Variants in ANXA8 observed in about 807,000 individuals in gnomAD.
ANXA8 encodes the protein annexin A8, also known as VAC-beta.
ANXA8 carries 9 observed loss-of-function variants against 26.8 expected under a neutral mutation model. The observed-to-expected ratio is 0.34, with a 90% CI of 0.20 to 0.59. The LOEUF (loss-of-function observed/expected upper bound fraction) is 0.59, where lower values mean the gene tolerates loss of function less well. Ranked by LOEUF, ANXA8 falls within the 20% of genes least tolerant of loss-of-function variation. ANXA8 has a pLI of 0.84. For missense variants in ANXA8, 83 were observed against 238.5 expected, an observed-to-expected ratio of 0.35 and a Z score of 4.29; for synonymous variants, 39 against 94.8, an observed-to-expected ratio of 0.41 and a Z score of 3.42.
the ANXA8 span, among the ~76,000 whole-genome samples, chr10:47,600,279 A>C: frequency 5.3e-5 from 8 of 150,528 alleles, no homozygotes; most frequent in African/African-American, 2.0e-4. Context: ...GGTTCAGAGA[A>C]AACAAGCAAG....
At chr10:47,561,131 T>C in the ANXA8 span, among the ~76,000 whole-genome samples, 1 of 152,024 alleles carries the variant, frequency 6.6e-6, no homozygotes, top group Admixed American at 6.5e-5. Context: ...AGGTACAAAG[T>C]AATTTTATGA....
the ANXA8 span, among the ~76,000 whole-genome samples, chr10:47,702,462 T>A: frequency 6.6e-6 from 1 of 151,186 alleles, no homozygotes; most frequent in Non-Finnish European, 1.5e-5. Flanking sequence ...TGCTTCAGCC[T>A]CCCAAGTAGC....
the ANXA8 span, among the ~76,000 whole-genome samples, chr10:47,991,471 C>T: frequency 0.016 from 2,310 of 140,990 alleles, 69 homozygotes; most frequent in African/African-American, 0.057. Flanking sequence ...GCCTGTCTCC[C>T]GGCCCAGGTC....
At position 47,474,911 on chromosome 10, in the gene ANXA8, G is replaced by T; in HGVS notation, c.552+34C>A. 5.2e-6 allele frequency: 8 copies of T among 1,533,346 alleles called. 2 individuals are homozygous for T. The highest frequency in any genetic ancestry group is 2.9e-5 in the East Asian group (1 of 34,158). 95.0% of individuals were successfully genotyped at this position (1,533,346 alleles called of 1,614,324 possible). On this transcript the variant is annotated intron_variant, in intron 7 of 11. Coordinates refer to ENST00000585281, the MANE Select transcript of ANXA8 (RefSeq NM_001040084.3). ...GGAGCCGGAGTCCAGATGGCAGGGG[G>T]TGGGGCCACATGGCCGGCTGGGCGC...
the ANXA8 span, among the ~76,000 whole-genome samples, chr10:47,499,003 G>A: frequency 7.1e-6 from 1 of 141,420 alleles, no homozygotes; most frequent in East Asian, 2.2e-4. Context: ...TCGGGAAGCT[G>A]AGGCAGGAGA....
the ANXA8 span, among the ~76,000 whole-genome samples, chr10:47,493,485 T>TCA: frequency 6.8e-6 from 1 of 145,998 alleles, no homozygotes; most frequent in African/African-American, 2.5e-5. Context: ...GTCCCCCCAC[T>TCA]CACACAAGGG....
the ANXA8 span, among the ~76,000 whole-genome samples, chr10:47,900,668 T>C: frequency 7.0e-5 from 1 of 14,224 alleles, no homozygotes; most frequent in African/African-American, 6.2e-4. Flanking sequence ...ATAAAATGGT[T>C]TTTTTTTTTT....
Position 47,468,998 on chromosome 10 carries a change from C to T in ANXA8, c.925-92G>A, listed in dbSNP as rs1177617846. ...TGTTATTATGACTAAGAGGTGTGCC[C>T]CTGGCCTGCACCTGGCCCGGCCCTC... On this transcript the variant is annotated intron_variant, in intron 11 of 11. Transcript: ENST00000585281. 16 of 1,545,678 alleles carry T rather than the reference C, an allele frequency of 1.0e-5. No homozygotes were observed. The Admixed American group carries it at 1.2e-4, about 11-fold the overall frequency.
At chr10:47,985,729 C>G in the ANXA8 span, 2 of 84,880 alleles carry the variant, frequency 2.4e-5, no homozygotes, top group Non-Finnish European at 5.2e-5. Flanking sequence ...AACCCCAAAG[C>G]AACTATTAAA....
the ANXA8 span, among the ~76,000 whole-genome samples, chr10:47,523,933 GC>G: frequency 3.8e-4 from 57 of 150,338 alleles, no homozygotes; most frequent in Non-Finnish European, 6.8e-4. Flanking sequence ...GGCACACAAT[GC>G]CCCACCCCAC....
At chr10:47,771,926 G>GTAAATCTGAC in the ANXA8 span, among the ~76,000 whole-genome samples, 1 of 151,330 alleles carries the variant, frequency 6.6e-6, no homozygotes, top group South Asian at 2.1e-4. Flanking sequence ...ACAATTTACA[G>GTAAATCTGAC]TAAATCTGAC....
chr10:47,607,922 A>G, the ANXA8 span, among the ~76,000 whole-genome samples: 2 of 126,470 alleles, frequency 1.6e-5, 1 homozygote, highest in African/African-American at 6.8e-5. Context: ...AAAACATAAA[A>G]AATATGAAAA....
At chr10:47,917,101 AG>A in the ANXA8 span, among the ~76,000 whole-genome samples, 44,876 of 84,480 alleles carry the variant, frequency 0.53, 14,994 homozygotes, top group Non-Finnish European at 0.58. Flanking sequence ...GGGAGTGGGG[AG>A]ACAAAGCTGC....
the ANXA8 span, among the ~76,000 whole-genome samples, chr10:47,733,224 TTTCTTTCTC>T: frequency 2.2e-4 from 16 of 72,420 alleles, 1 homozygote; most frequent in Non-Finnish European, 3.2e-4. Flanking sequence ...TTTCTTTCTC[TTTCTTTCTC>T]TCTTTCTTTC....
chr10:47,655,576 G>T, the ANXA8 span, among the ~76,000 whole-genome samples: 1 of 151,566 alleles, frequency 6.6e-6, no homozygotes, highest in Non-Finnish European at 1.5e-5. Flanking sequence ...GAAGTGGTTG[G>T]TGTTCAAGAC....
chr10:47,666,121 A>G, the ANXA8 span, among the ~76,000 whole-genome samples: 2 of 149,138 alleles, frequency 1.3e-5, no homozygotes, highest in East Asian at 2.0e-4. Context: ...ATTCTTTACT[A>G]GTTGTTTTTC....
At chr10:47,720,466 G>A in the ANXA8 span, among the ~76,000 whole-genome samples, 2 of 147,024 alleles carry the variant, frequency 1.4e-5, no homozygotes, top group Non-Finnish European at 3.0e-5. Context: ...CATTTAAGCT[G>A]TTTTCCCACC....
the ANXA8 span, among the ~76,000 whole-genome samples, chr10:47,946,734 C>T: frequency 4.0e-5 from 6 of 151,284 alleles, no homozygotes; most frequent in Non-Finnish European, 8.9e-5. Flanking sequence ...CCTTTTTCAC[C>T]TAGGCTGGAG....
At chr10:47,517,250 G>T in the ANXA8 span, among the ~76,000 whole-genome samples, 3 of 103,120 alleles carry the variant, frequency 2.9e-5, no homozygotes. Context: ...TTAAAAATAA[G>T]ATTAAATATT....
Sources: gnomAD v4.1 joint callset for allele counts (sites outside exome capture counted in the v4.1 genomes callset) on GRCh38, gnomAD v4.1.1 for gene constraint, MANE v1.5 for transcripts, NCBI Gene and HGNC (gene_info 2026-07-23, HGNC 2026-07-21) for gene names.